NKAIN3: variants seen among roughly 807,000 people sequenced by gnomAD.
NKAIN3 encodes the protein sodium/potassium transporting ATPase interacting 3.
In NKAIN3, 25 loss-of-function variants were observed where a neutral mutation model predicts 30.2. The observed-to-expected ratio is 0.83, with a 90% confidence interval of 0.60 to 1.16. NKAIN3 has a LOEUF of 1.16. NKAIN3 is among the 50% of genes most tolerant of loss of function. NKAIN3 has a pLI of 0.00. For synonymous variants in NKAIN3, 91 were observed against 89.6 expected (o/e 1.02, Z -0.09); for missense variants, 225 against 254.1 (o/e 0.89, Z 0.78).
chr8:62,910,780 G>A (rs1336333067), intron 4 of NKAIN3, among the ~76,000 whole-genome samples: 12 of 150,896 alleles, frequency 8.0e-5, no homozygotes, highest in Admixed American at 2.6e-4. Flanking sequence ...AGGGAAATTG[G>A]TCTCCTGTTG....
intron 5 of NKAIN3, among the ~76,000 whole-genome samples, chr8:62,920,822 A>C (rs992369527): frequency 2.6e-5 from 4 of 152,258 alleles, no homozygotes; most frequent in Non-Finnish European, 5.9e-5. Flanking sequence ...GCTCAAAGCA[A>C]AGTATATATG....
intron 3 of NKAIN3, among the ~76,000 whole-genome samples, chr8:62,645,443 G>A (rs1320771590): frequency 6.6e-6 from 1 of 152,118 alleles, no homozygotes; most frequent in Admixed American, 6.6e-5. Context: ...GATAGATGTA[G>A]GGAGAATACT....
intron 4 of NKAIN3, chr8:62,856,379 G>C: frequency 1.2e-6 from 1 of 827,932 alleles, no homozygotes; most frequent in Non-Finnish European, 2.2e-6. Flanking sequence ...GAACCTTCTA[G>C]TTTGCTGGAT....
chr8:62,340,014 T>G (rs1000082625), intron 1 of NKAIN3, among the ~76,000 whole-genome samples: 28 of 152,092 alleles, frequency 1.8e-4, no homozygotes, highest in Admixed American at 1.8e-3. Context: ...TCCTCACCCA[T>G]CACAAGGGTC....
chr8:62,735,416 T>C (rs1815628197), intron 3 of NKAIN3, among the ~76,000 whole-genome samples: 1 of 151,382 alleles, frequency 6.6e-6, no homozygotes, highest in South Asian at 2.1e-4. Context: ...TTCTTTATTC[T>C]ACTTGTTCAA....
At chr8:62,817,752 T>C (rs775249929) in intron 4 of NKAIN3, among the ~76,000 whole-genome samples, 25 of 152,326 alleles carry the variant, frequency 1.6e-4, no homozygotes, top group Admixed American at 9.2e-4. Flanking sequence ...CCAGGCTTCA[T>C]TGAGCCTGTC....
At chr8:62,899,928 G>A (rs1000263565) in intron 4 of NKAIN3, among the ~76,000 whole-genome samples, 2 of 151,488 alleles carry the variant, frequency 1.3e-5, no homozygotes, top group African/African-American at 4.9e-5. Context: ...TGGGTACAAT[G>A]TACACTACTC....
At chr8:62,357,600 TC>T (rs1205245494) in intron 1 of NKAIN3, among the ~76,000 whole-genome samples, 1 of 152,154 alleles carries the variant, frequency 6.6e-6, no homozygotes, top group Non-Finnish European at 1.5e-5. Context: ...TGGCAAAACA[TC>T]TGTTATTGCT....
intron 1 of NKAIN3, among the ~76,000 whole-genome samples, chr8:62,342,601 T>C (rs1815787996): frequency 6.6e-6 from 1 of 152,094 alleles, no homozygotes; most frequent in Admixed American, 6.6e-5. Context: ...CTGAGACTCC[T>C]GCACAAAGGA....
chr8:62,417,861 C>G (rs1804500035), intron 1 of NKAIN3, among the ~76,000 whole-genome samples: 1 of 151,962 alleles, frequency 6.6e-6, no homozygotes, highest in Non-Finnish European at 1.5e-5. Flanking sequence ...CTTGTATATT[C>G]TGCTTATTAA....
intron 1 of NKAIN3, chr8:62,474,331 A>G (rs718710): frequency 0.33 from 50,669 of 152,118 alleles, 9,768 homozygotes; most frequent in South Asian, 0.45. Context: ...GACAGGGAGC[A>G]CAGGGAAGCC....
At chr8:62,385,798 T>A (rs117278842) in intron 1 of NKAIN3, among the ~76,000 whole-genome samples, 2,438 of 152,302 alleles carry the variant, frequency 0.016, 34 homozygotes, top group Non-Finnish European at 0.026. Context: ...GTATGCAGTG[T>A]TTTGGTCTGG....
In NKAIN3 at chr8:62,575,902, T is replaced by A. The variant is rs1389482456; in HGVS notation, c.55-3637T>A. ...TTTCAATAAATGGGTCAGGGAAAACTGAGTATCCATATGCAGAAGAATGAA... is the reference window on the plus strand; with the variant it reads ...TTTCAATAAATGGGTCAGGGAAAACAGAGTATCCATATGCAGAAGAATGAA... On this transcript the variant is annotated intron_variant, in intron 1 of 6. Transcript: ENST00000623646. Among the ~76,000 whole-genome samples, 3 of 152,116 alleles carry A rather than the reference T, an allele frequency of 2.0e-5. No homozygotes were observed. The East Asian group carries it at 5.8e-4, about 29-fold the overall frequency.
chr8:62,587,245 T>C (rs1379354992), intron 2 of NKAIN3, among the ~76,000 whole-genome samples: 2 of 151,866 alleles, frequency 1.3e-5, no homozygotes, highest in East Asian at 3.9e-4. Flanking sequence ...CTTATAACAA[T>C]TCAAAAATCA....
chr8:62,814,916 C>T (rs1345380983), intron 4 of NKAIN3, among the ~76,000 whole-genome samples: 2 of 151,958 alleles, frequency 1.3e-5, no homozygotes, highest in African/African-American at 2.4e-5. Flanking sequence ...ACACAAAAAC[C>T]CTTCAAAAAA....
chr8:62,893,329 T>C (rs1245875873), intron 4 of NKAIN3, among the ~76,000 whole-genome samples: 4 of 152,098 alleles, frequency 2.6e-5, no homozygotes, highest in African/African-American at 9.7e-5. Context: ...AGCCACTCAG[T>C]TTGAGTGGAC....
chr8:62,504,018 A>G (rs1381208683), intron 1 of NKAIN3, among the ~76,000 whole-genome samples: 1 of 152,194 alleles, frequency 6.6e-6, no homozygotes. Flanking sequence ...AGTGATAAAT[A>G]TCTATGAAAT....
At position 62,499,325 on chromosome 8, in the gene NKAIN3, C is replaced by G. The variant is rs540286957; in HGVS notation, c.55-80214C>G. The stretch of plus-strand genomic sequence containing the variant: ...GCCGTTGAATGATTCCCAAAACCAA[C>G]TTCGCAGTACTCATGGTATCTGAAA... On this transcript the variant is annotated intron_variant, in intron 1 of 6. Coordinates refer to ENST00000623646, the MANE Select transcript of NKAIN3 (RefSeq NM_001304533.3). Among the ~76,000 whole-genome samples, 3 of 152,146 alleles carry G rather than the reference C, an allele frequency of 2.0e-5. No individual in the cohort carries two copies. The East Asian group carries it at 5.8e-4, about 29-fold the overall frequency.
chr8:62,710,113 A>C (rs1814668001), intron 3 of NKAIN3, among the ~76,000 whole-genome samples: 1 of 152,016 alleles, frequency 6.6e-6, no homozygotes, highest in Admixed American at 6.6e-5. Context: ...ATTTTCTTAA[A>C]TTTACTGAAG....
Sources: allele counts gnomAD v4.1 joint callset (sites outside exome capture counted in the v4.1 genomes callset), GRCh38; gene constraint gnomAD v4.1.1; transcripts MANE v1.5; gene names NCBI Gene and HGNC (gene_info 2026-07-23, HGNC 2026-07-21).